FCHSD2: variants seen among roughly 807,000 people sequenced by gnomAD.
FCHSD2 encodes FCH and double SH3 domains 2.
In FCHSD2, 38 loss-of-function variants were observed where a neutral mutation model predicts 108.1. The ratio of observed to expected loss-of-function variants is 0.35; its 90% CI spans 0.27 to 0.46. The LOEUF is 0.46. Among genes scored for constraint, FCHSD2 ranks in the 20% least tolerant of loss-of-function variants. The pLI, the probability that FCHSD2 is intolerant of heterozygous loss-of-function variation, is 1.00. For synonymous variants in FCHSD2, 279 were observed against 314.7 expected (o/e 0.89, Z 1.20); for missense variants, 751 against 897.8 (o/e 0.84, Z 2.09).
chr11:72,994,609 C>CA (rs1857486973), intron 5 of FCHSD2, among the ~76,000 whole-genome samples: 2 of 151,618 alleles, frequency 1.3e-5, no homozygotes, highest in African/African-American at 4.8e-5. Flanking sequence ...ACTAAAAATA[C>CA]AAAAAAATTA....
At chr11:73,139,470 C>G (rs959586970) in intron 2 of FCHSD2, among the ~76,000 whole-genome samples, 37 of 152,276 alleles carry the variant, frequency 2.4e-4, no homozygotes, top group African/African-American at 8.7e-4. Flanking sequence ...CTGATTTTCA[C>G]AATATTAGCA....
chr11:72,853,003 G>C (rs1010753115), intron 13 of FCHSD2, among the ~76,000 whole-genome samples: 4 of 152,162 alleles, frequency 2.6e-5, no homozygotes, highest in Non-Finnish European at 4.4e-5. Flanking sequence ...GCAGAAGGTG[G>C]GAGGAGGGAG....
chr11:72,927,172 C>T (rs150604096), intron 8 of FCHSD2, among the ~76,000 whole-genome samples: 25 of 152,274 alleles, frequency 1.6e-4, no homozygotes, highest in Non-Finnish European at 2.9e-4. Flanking sequence ...CCTTCAGATA[C>T]GAGCTGCCTT....
intron 13 of FCHSD2, among the ~76,000 whole-genome samples, chr11:72,861,186 A>G (rs1861563653): frequency 6.6e-6 from 1 of 152,102 alleles, no homozygotes; most frequent in Non-Finnish European, 1.5e-5. Flanking sequence ...GACATGACCA[A>G]TATCAGGAAT....
intron 8 of FCHSD2, among the ~76,000 whole-genome samples, chr11:72,949,787 T>C (rs553039331): frequency 6.6e-6 from 1 of 152,344 alleles, no homozygotes; most frequent in African/African-American, 2.4e-5. Context: ...TGATGGACAT[T>C]TGGGTTGTTT....
chr11:73,092,112 C>A (rs779724182), intron 2 of FCHSD2, among the ~76,000 whole-genome samples: 1 of 152,070 alleles, frequency 6.6e-6, no homozygotes, highest in Non-Finnish European at 1.5e-5. Context: ...TTCAGATACA[C>A]CTCCTCTGAG....
chr11:72,988,888 C>T, intron 6 of FCHSD2, 76 bp downstream of exon 6: 9 of 1,300,868 alleles, frequency 6.9e-6, no homozygotes, highest in Non-Finnish European at 7.5e-6. Flanking sequence ...ATGCTCACTA[C>T]TAATAGAGAA....
intron 12 of FCHSD2, among the ~76,000 whole-genome samples, chr11:72,884,081 C>A (rs753522206): frequency 2.0e-5 from 3 of 151,966 alleles, no homozygotes. Context: ...AGCACACCAC[C>A]TTATTAAGAG....
chr11:72,900,418 G>T, intron 10 of FCHSD2: 1 of 834,242 alleles, frequency 1.2e-6, no homozygotes, highest in South Asian at 1.5e-5. Flanking sequence ...AGAACATTTA[G>T]CACAGTGTTT....
chr11:72,964,918 T>C (rs1368109596), intron 8 of FCHSD2, among the ~76,000 whole-genome samples: 1 of 151,538 alleles, frequency 6.6e-6, no homozygotes, highest in Non-Finnish European at 1.5e-5. Context: ...GCCTCCCGAG[T>C]AGCGGGGACT....
chr11:72,838,654 C>A lies in FCHSD2; in HGVS notation c.*137G>T. 1.5e-6 allele frequency: 1 copy of A among 679,166 alleles called. No homozygotes were observed. Among genetic ancestry groups the A allele is most frequent in the South Asian group, 1.8e-5 (1 of 56,034 alleles). The allele number at this position is 679,166 out of a possible 1,614,324, so 42.1% of individuals were successfully genotyped here. A position where few individuals can be genotyped will look rare whatever the true frequency, so the allele number is the denominator to read the frequency against. On this transcript the variant is annotated 3_prime_UTR_variant, in exon 20 of 20. Transcript: ENST00000409418. ...AAAACGTGGGAGGAGTCTACCAGGCCACCCAGTCACACATAATCCTCCTTG... is the reference window on the plus strand; with the variant it reads ...AAAACGTGGGAGGAGTCTACCAGGCAACCCAGTCACACATAATCCTCCTTG...
At chr11:73,137,293 TAA>T (rs1249355064) in intron 2 of FCHSD2, among the ~76,000 whole-genome samples, 1 of 152,102 alleles carries the variant, frequency 6.6e-6, no homozygotes, top group African/African-American at 2.4e-5. Context: ...TTCATTCCAT[TAA>T]GTTAATATAG....
At chr11:72,851,427 AT>A (rs1257696293) in intron 13 of FCHSD2, among the ~76,000 whole-genome samples, 1 of 152,158 alleles carries the variant, frequency 6.6e-6, no homozygotes, top group Non-Finnish European at 1.5e-5. Context: ...CATATTATAG[AT>A]TAATAACACT....
intron 3 of FCHSD2, among the ~76,000 whole-genome samples, chr11:73,035,694 G>GTTTT (rs201459401): frequency 7.9e-6 from 1 of 126,216 alleles, no homozygotes; most frequent in Non-Finnish European, 1.7e-5. Context: ...GAAATGTTCA[G>GTTTT]TTTTTATTTA....
At chr11:72,851,263 G>T (rs6592494) in intron 13 of FCHSD2, among the ~76,000 whole-genome samples, 1 of 152,140 alleles carries the variant, frequency 6.6e-6, no homozygotes, top group Non-Finnish European at 1.5e-5. Flanking sequence ...TAGCAATTCC[G>T]CTTTTATGAA....
At chr11:73,096,987 A>ATTTTTTTTTTTTTT (rs60223064) in intron 2 of FCHSD2, among the ~76,000 whole-genome samples, 573 of 27,046 alleles carry the variant, frequency 0.021, 212 homozygotes, top group South Asian at 0.051. Flanking sequence ...TCATTGATGG[A>ATTTTTTTTTTTTTT]TTTTTTTTTT....
chr11:72,962,541 G>A (rs1856835499), intron 8 of FCHSD2, among the ~76,000 whole-genome samples: 1 of 151,800 alleles, frequency 6.6e-6, no homozygotes, highest in African/African-American at 2.4e-5. Context: ...TATAAACTAA[G>A]TGATTTTTGA....
intron 12 of FCHSD2, among the ~76,000 whole-genome samples, chr11:72,876,975 A>T (rs78063789): frequency 0.048 from 6,782 of 142,762 alleles, 212 homozygotes; most frequent in Non-Finnish European, 0.07. Flanking sequence ...TGATCACTTC[A>T]TTTTTTTTTT....
chr11:73,096,509 C>T (rs1203246813), intron 2 of FCHSD2, among the ~76,000 whole-genome samples: 2 of 151,914 alleles, frequency 1.3e-5, no homozygotes, highest in African/African-American at 4.8e-5. Context: ...CGAGATTGTG[C>T]TGCTGCACTC....
Sources: allele counts gnomAD v4.1 joint callset (sites outside exome capture counted in the v4.1 genomes callset), GRCh38; gene constraint gnomAD v4.1.1; transcripts MANE v1.5; gene names NCBI Gene and HGNC (gene_info 2026-07-23, HGNC 2026-07-21).